Variants in CYP20A1 observed in about 807,000 individuals in gnomAD.
CYP20A1 encodes cytochrome P450 20A1.
A neutral mutation model predicts 61.4 loss-of-function variants in CYP20A1; 61 were observed. The ratio of observed to expected loss-of-function variants is 0.99; its 90% confidence interval spans 0.81 to 1.23. The LOEUF is 1.23. Ranked by LOEUF, CYP20A1 falls within the 50% of genes most tolerant of loss-of-function variation. CYP20A1 has a pLI of 0.00. For synonymous variants in CYP20A1, 193 were observed against 188.2 expected (o/e 1.03, Z -0.21); for missense variants, 530 against 542.4 (o/e 0.98, Z 0.23).
At chr2:203,275,812 A>G (rs1165060331) in intron 6 of CYP20A1, among the ~76,000 whole-genome samples, 1 of 151,834 alleles carries the variant, frequency 6.6e-6, no homozygotes, top group East Asian at 1.9e-4. Context: ...TAGATCTGTG[A>G]TATCCTGGCA....
intron 8 of CYP20A1, 134 bp from the exon 9 acceptor site, chr2:203,285,478 T>C: frequency 2.1e-6 from 2 of 965,458 alleles, no homozygotes; most frequent in South Asian, 5.6e-5. Flanking sequence ...TAGTAGCACT[T>C]ATATATCTTC....
chr2:203,294,571 A>G (rs2068691791), intron 11 of CYP20A1, among the ~76,000 whole-genome samples: 1 of 152,166 alleles, frequency 6.6e-6, no homozygotes, highest in Non-Finnish European at 1.5e-5. Flanking sequence ...ACACATATAT[A>G]GAGTACGCTT....
At chr2:203,294,970 T>A (rs1347734088) in intron 11 of CYP20A1, among the ~76,000 whole-genome samples, 8 of 94,848 alleles carry the variant, frequency 8.4e-5, no homozygotes, top group South Asian at 4.4e-4. Flanking sequence ...TTTTTTTTTT[T>A]GAGACAGAGT....
chr2:203,262,450 T>G (rs150050267), intron 4 of CYP20A1, among the ~76,000 whole-genome samples: 1,671 of 152,274 alleles, frequency 0.011, 19 homozygotes, highest in Non-Finnish European at 0.017. Context: ...TTTTGTTAAA[T>G]TTTTTTACAT....
chr2:203,273,714 T>A (rs2067701185), intron 6 of CYP20A1, among the ~76,000 whole-genome samples: 1 of 152,020 alleles, frequency 6.6e-6, no homozygotes, highest in Non-Finnish European at 1.5e-5. Context: ...GAGGCTGAGG[T>A]AGGCAGATTA....
intron 4 of CYP20A1, among the ~76,000 whole-genome samples, chr2:203,260,411 G>C (rs1017916145): frequency 1.4e-5 from 2 of 141,808 alleles, no homozygotes; most frequent in Non-Finnish European, 3.1e-5. Flanking sequence ...TAGTAGAGAC[G>C]GAGTTTCACC....
At chr2:203,274,371 A>C (rs1315269217) in intron 6 of CYP20A1, among the ~76,000 whole-genome samples, 1 of 151,982 alleles carries the variant, frequency 6.6e-6, no homozygotes, top group African/African-American at 2.4e-5. Flanking sequence ...TTTTCAGTAG[A>C]GATGGGGTTT....
intron 3 of CYP20A1, among the ~76,000 whole-genome samples, 197 bp downstream of exon 3, chr2:203,247,118 G>T (rs895960368): frequency 6.6e-6 from 1 of 151,962 alleles, no homozygotes; most frequent in African/African-American, 2.4e-5. Flanking sequence ...AACACTAGTC[G>T]GGTGTGGTGG....
chr2:203,287,059 A>AT (rs2068302626), intron 9 of CYP20A1, among the ~76,000 whole-genome samples: 1 of 151,266 alleles, frequency 6.6e-6, no homozygotes, highest in Non-Finnish European at 1.5e-5. Flanking sequence ...CTAAAAAAAA[A>AT]ATACAAAAAA....
intron 9 of CYP20A1, among the ~76,000 whole-genome samples, chr2:203,286,528 C>T (rs527799837): frequency 5.9e-5 from 9 of 152,170 alleles, no homozygotes; most frequent in South Asian, 2.1e-4. Context: ...AAAGGAACAC[C>T]GTATCAATAC....
Position 203,298,441 on chromosome 2 carries a change from A to G in CYP20A1, c.*1533A>G, listed in dbSNP as rs1355863977. On this transcript the variant is annotated 3_prime_UTR_variant, in exon 13 of 13. Coordinates refer to ENST00000356079, the MANE Select transcript of CYP20A1 (RefSeq NM_177538.3). ...GGGCTCGGTGGCTCATGCCTATAAT[A>G]CTTTGGGAGGCCGAGGCAGGTGGAT... Among the ~76,000 whole-genome samples, 2 of 150,658 alleles carry G rather than the reference A, an allele frequency of 1.3e-5. No homozygotes were observed. Among genetic ancestry groups the G allele is most frequent in the Non-Finnish European group, 3.0e-5 (2 of 67,792 alleles).
At chr2:203,294,246 A>G (rs1047975724) in intron 11 of CYP20A1, among the ~76,000 whole-genome samples, 1 of 152,084 alleles carries the variant, frequency 6.6e-6, no homozygotes, top group African/African-American at 2.4e-5. Flanking sequence ...CAAGACGCCA[A>G]CTATGAAAAA....
rs985019452 is a variant in CYP20A1, at chr2:203,277,193, A to T, written c.680-1380A>T. On this transcript the variant is annotated intron_variant, in intron 6 of 12. Coordinates refer to ENST00000356079, the MANE Select transcript of CYP20A1 (RefSeq NM_177538.3). ...GAAACCCCGTCTCTACTAAAAATATAAAAAATTAGCCGGGCGTGGTGGCAC... is the reference window on the plus strand; with the variant it reads ...GAAACCCCGTCTCTACTAAAAATATTAAAAATTAGCCGGGCGTGGTGGCAC... 4.6e-5 allele frequency among the ~76,000 whole-genome samples: 7 copies of T among 151,572 alleles called. No individual in the cohort carries two copies. In the East Asian group the frequency reaches 1.4e-3, roughly 30 times the overall value.
intron 6 of CYP20A1, among the ~76,000 whole-genome samples, chr2:203,273,713 G>A (rs926818124): frequency 2.0e-5 from 3 of 152,166 alleles, no homozygotes; most frequent in Non-Finnish European, 4.4e-5. Flanking sequence ...GGAGGCTGAG[G>A]TAGGCAGATT....
intron 8 of CYP20A1, among the ~76,000 whole-genome samples, chr2:203,284,021 A>C (rs1575252906): frequency 6.6e-6 from 1 of 152,194 alleles, no homozygotes. Context: ...GCAATTCTAC[A>C]GTTCACTCAG....
At chr2:203,278,021 A>G (rs1273781655) in intron 6 of CYP20A1, among the ~76,000 whole-genome samples, 1 of 151,934 alleles carries the variant, frequency 6.6e-6, no homozygotes, top group African/African-American at 2.4e-5. Flanking sequence ...CACGCCTGTA[A>G]TCCCAGCACT....
chr2:203,264,607 C>A (rs1233005552), intron 4 of CYP20A1, among the ~76,000 whole-genome samples: 1 of 151,988 alleles, frequency 6.6e-6, no homozygotes, highest in Admixed American at 6.6e-5. Flanking sequence ...TTGAAATATT[C>A]TGTTCATTTA....
Position 203,296,770 on chromosome 2 carries a change from G to C in CYP20A1, c.1251G>C (p.Met417Ile). Residue 417 changes from methionine to isoleucine, a missense_variant, in exon 13 of 13, where the codon ATG becomes ATC. Transcript: ENST00000356079. Reference sequence around the variant, plus strand: ...TCTTCCTGACTAGGTTTGCATATATGGTGACCACAGTACTTCTTAGTGTAT... The same window carrying C: ...TCTTCCTGACTAGGTTTGCATATATCGTGACCACAGTACTTCTTAGTGTAT... ...QECPELRFAY[M>I]VTTVLLSVLV... 2.5e-6 allele frequency: 4 copies of C among 1,589,470 alleles called. No homozygotes were observed. Among genetic ancestry groups the C allele is most frequent in the Non-Finnish European group, 3.4e-6 (4 of 1,173,568 alleles).
At chr2:203,241,920 C>T (rs756846860) in intron 1 of CYP20A1, among the ~76,000 whole-genome samples, 46 of 152,220 alleles carry the variant, frequency 3.0e-4, no homozygotes, top group Non-Finnish European at 5.1e-4. Flanking sequence ...CTGCTCACTG[C>T]AGCCTCTGCC....
Sources: allele counts gnomAD v4.1 joint callset (sites outside exome capture counted in the v4.1 genomes callset), GRCh38; gene constraint gnomAD v4.1.1; transcripts MANE v1.5; gene names NCBI Gene and HGNC (gene_info 2026-07-23, HGNC 2026-07-21).